The following PDE1C variants were observed in gnomAD, a reference collection of about 807,000 sequenced individuals.
The protein encoded by PDE1C is dual specificity calcium/calmodulin-dependent 3',5'-cyclic nucleotide phosphodiesterase 1C.
A neutral mutation model predicts 93.1 loss-of-function variants in PDE1C; 62 were observed. The observed-to-expected ratio is 0.67, with a 90% confidence interval of 0.54 to 0.82. PDE1C has a LOEUF of 0.82. PDE1C is among the 40% of genes least tolerant of loss of function. PDE1C has a pLI of 0.00. For synonymous variants in PDE1C, 325 were observed against 310.1 expected (o/e 1.05, Z -0.50); for missense variants, 742 against 884.6 (o/e 0.84, Z 2.04).
intron 16 of PDE1C, chr7:31,790,041 A>C (rs1784398060): frequency 1.4e-6 from 2 of 1,390,618 alleles, no homozygotes; most frequent in Middle Eastern, 2.7e-4. Context: ...CTAAGACCTC[A>C]AACCAACCCC....
chr7:32,039,291 A>C (rs1282753610), intron 2 of PDE1C, among the ~76,000 whole-genome samples: 1 of 152,182 alleles, frequency 6.6e-6, no homozygotes, highest in African/African-American at 2.4e-5. Flanking sequence ...AATTATCCAA[A>C]AAATCATGGC....
At chr7:31,985,931 C>T (rs10951313) in intron 2 of PDE1C, among the ~76,000 whole-genome samples, 67,696 of 151,934 alleles carry the variant, frequency 0.45, 15,232 homozygotes, top group South Asian at 0.52. Context: ...TAGCACCTTG[C>T]TCCTCATTTG....
At chr7:31,628,163 G>C in the PDE1C span, among the ~76,000 whole-genome samples, 1 of 152,224 alleles carries the variant, frequency 6.6e-6, no homozygotes, top group Non-Finnish European at 1.5e-5. Flanking sequence ...TTCAAAAAGT[G>C]CCCTGAAGGA....
the PDE1C span, among the ~76,000 whole-genome samples, chr7:31,644,754 T>C: frequency 0.034 from 5,226 of 152,220 alleles, 318 homozygotes; most frequent in African/African-American, 0.12. Flanking sequence ...GGGCCAGCCA[T>C]TGATTAAAAA....
chr7:31,780,649 A>T (rs900053581), intron 16 of PDE1C, among the ~76,000 whole-genome samples: 2 of 152,278 alleles, frequency 1.3e-5, no homozygotes, highest in Admixed American at 6.5e-5. Context: ...AAATTGAGAA[A>T]ACATCAATGT....
At chr7:32,365,327 C>T (rs1784209862) in intron 1 of PDE1C, among the ~76,000 whole-genome samples, 1 of 152,130 alleles carries the variant, frequency 6.6e-6, no homozygotes, top group Non-Finnish European at 1.5e-5. Flanking sequence ...TAGGCCACCT[C>T]CAGCAGACAT....
chr7:31,656,392 C>A, the PDE1C span: 1 of 439,218 alleles, frequency 2.3e-6, no homozygotes, highest in Non-Finnish European at 3.0e-6. Flanking sequence ...AGAATAAATA[C>A]CATGAATCCT....
intron 3 of PDE1C, among the ~76,000 whole-genome samples, chr7:32,160,978 G>C (rs144170048): frequency 1.3e-5 from 2 of 152,082 alleles, no homozygotes; most frequent in African/African-American, 4.8e-5. Context: ...TCTTGCTGCC[G>C]TCTCTCCCAA....
chr7:32,357,909 C>A (rs1158499261), intron 1 of PDE1C, among the ~76,000 whole-genome samples: 1 of 152,208 alleles, frequency 6.6e-6, no homozygotes, highest in African/African-American at 2.4e-5. Context: ...CCAGCTTCAT[C>A]TGGAGACTCA....
At chr7:32,149,468 C>A (rs1801106456) in intron 3 of PDE1C, among the ~76,000 whole-genome samples, 1 of 152,196 alleles carries the variant, frequency 6.6e-6, no homozygotes, top group Non-Finnish European at 1.5e-5. Flanking sequence ...GAAAATTATT[C>A]TAAATCTACA....
At chr7:31,962,961 C>A (rs117779289) in intron 2 of PDE1C, among the ~76,000 whole-genome samples, 2,251 of 152,286 alleles carry the variant, frequency 0.015, 26 homozygotes, top group Non-Finnish European at 0.024. Flanking sequence ...GGTCAACTCC[C>A]TCATTAAGTT....
chr7:32,144,707 A>T (rs1337674054), intron 3 of PDE1C, among the ~76,000 whole-genome samples: 2 of 152,178 alleles, frequency 1.3e-5, no homozygotes, highest in East Asian at 3.9e-4. Context: ...TAGGGGTGAG[A>T]GGGCGGGAGC....
exon 1 of PDE1C, chr7:32,299,018 G>C (rs1585095678): frequency 8.2e-7 from 1 of 1,222,370 alleles, no homozygotes; most frequent in East Asian, 4.1e-5. Flanking sequence ...GTCAGGAAGG[G>C]AGGACGCGCG....
chr7:31,640,840 T>C, the PDE1C span, among the ~76,000 whole-genome samples: 1 of 152,154 alleles, frequency 6.6e-6, no homozygotes. Flanking sequence ...TTCTCAAAAT[T>C]TTGCTCAAAG....
At chr7:32,238,014 C>T (rs1336464879) in intron 1 of PDE1C, among the ~76,000 whole-genome samples, 3 of 151,964 alleles carry the variant, frequency 2.0e-5, no homozygotes, top group Non-Finnish European at 4.4e-5. Flanking sequence ...AGGTGATCCG[C>T]CCACCTCGGC....
chr7:31,623,453 C>T, the PDE1C span, among the ~76,000 whole-genome samples: 127 of 151,516 alleles, frequency 8.4e-4, no homozygotes, highest in African/African-American at 2.7e-3. Context: ...GTTCAATATA[C>T]GCAAATCAAT....
At chr7:31,909,230 G>C (rs1800946136) in intron 2 of PDE1C, among the ~76,000 whole-genome samples, 1 of 152,142 alleles carries the variant, frequency 6.6e-6, no homozygotes, top group South Asian at 2.1e-4. Context: ...CACAGGGTCT[G>C]GAAGCAATAT....
At chr7:31,741,778 G>T in the PDE1C span, among the ~76,000 whole-genome samples, 3 of 152,154 alleles carry the variant, frequency 2.0e-5, no homozygotes, top group Non-Finnish European at 2.9e-5. Flanking sequence ...GACAAGCTTT[G>T]GTATGACTGG....
the PDE1C span, chr7:31,658,485 T>C: frequency 3.7e-5 from 42 of 1,134,626 alleles, no homozygotes; most frequent in Admixed American, 1.4e-3. Flanking sequence ...AGTATCAAAG[T>C]GGTGCCCCTT....
Sources: gnomAD v4.1 joint callset for allele counts (sites outside exome capture counted in the v4.1 genomes callset) on GRCh38, gnomAD v4.1.1 for gene constraint, MANE v1.5 for transcripts, NCBI Gene and HGNC (gene_info 2026-07-23, HGNC 2026-07-21) for gene names.